Variants in SKIC2 observed in about 807,000 individuals in gnomAD.
SKIC2 encodes superkiller complex protein 2.
the SKIC2 span, chr6:31,961,470 G>C: frequency 6.5e-7 from 1 of 1,534,368 alleles, no homozygotes; most frequent in Non-Finnish European, 8.8e-7. Context: ...GGGGAAGAAA[G>C]GGACATCTTT....
chr6:31,963,906 T>C, the SKIC2 span: 1 of 1,608,168 alleles, frequency 6.2e-7, no homozygotes, highest in Admixed American at 1.7e-5. The surrounding 1 kb of genome is among the most constrained non-coding windows in gnomAD (Gnocchi z 5.3). Context: ...TCCCCTTCCT[T>C]CTCCAGGACC....
chr6:31,969,724 T>C, the SKIC2 span: 8 of 1,583,882 alleles, frequency 5.1e-6, no homozygotes, highest in Admixed American at 3.5e-5. The surrounding 1 kb of genome is among the most constrained non-coding windows in gnomAD (Gnocchi z 6.1). Flanking sequence ...GAATGCCCCA[T>C]GTAAAAACAT....
the SKIC2 span, chr6:31,962,519 T>C: frequency 6.2e-7 from 1 of 1,614,126 alleles, no homozygotes; most frequent in East Asian, 2.2e-5. The surrounding 1 kb of genome is among the most constrained non-coding windows in gnomAD (Gnocchi z 5.0). Flanking sequence ...GATGTGGGGC[T>C]GCTCACCGGG....
the SKIC2 span, chr6:31,961,826 C>A: frequency 5.7e-6 from 9 of 1,574,494 alleles, no homozygotes; most frequent in African/African-American, 1.3e-5. Context: ...GGCCTTCATC[C>A]GCCCGCCCTG....
chr6:31,967,614 A>G, the SKIC2 span: 168 of 1,360,722 alleles, frequency 1.2e-4, no homozygotes, highest in East Asian at 3.3e-3. The surrounding 1 kb of genome is among the most constrained non-coding windows in gnomAD (Gnocchi z 4.9). Flanking sequence ...TGAGCTCTGC[A>G]TGGTTGCTTC....
At chr6:31,960,370 G>A in the SKIC2 span, 1 of 1,597,472 alleles carries the variant, frequency 6.3e-7, no homozygotes, top group Non-Finnish European at 8.6e-7. Context: ...AAACAGTTGG[G>A]GAGAAGGGGA....
At chr6:31,969,407 G>GGT in the SKIC2 span, 2 of 1,614,196 alleles carry the variant, frequency 1.2e-6, no homozygotes, top group East Asian at 2.2e-5. The surrounding 1 kb of genome is among the most constrained non-coding windows in gnomAD (Gnocchi z 6.1). Flanking sequence ...GTATATGAGT[G>GGT]GGCCCGGGGC....
chr6:31,964,156 G>A, the SKIC2 span: 2 of 1,610,656 alleles, frequency 1.2e-6, no homozygotes, highest in Non-Finnish European at 1.7e-6. This position sits in a 1 kb window ranked among gnomAD's most constrained non-coding sequence, Gnocchi z 5.0. Context: ...GTGCGTGCAT[G>A]CACACATTTG....
the SKIC2 span, chr6:31,967,095 A>T: frequency 6.2e-7 from 1 of 1,612,838 alleles, no homozygotes; most frequent in Non-Finnish European, 8.5e-7. The surrounding 1 kb of genome is among the most constrained non-coding windows in gnomAD (Gnocchi z 4.9). Flanking sequence ...CTGCCTGAAT[A>T]TTACAGCTGG....
At chr6:31,969,393 GGTT>G in the SKIC2 span, 5 of 1,614,098 alleles carry the variant, frequency 3.1e-6, no homozygotes, top group Non-Finnish European at 3.4e-6. This position sits in a 1 kb window ranked among gnomAD's most constrained non-coding sequence, Gnocchi z 6.1. Context: ...GGCTGGTTGA[GGTT>G]GTATATGAGT....
At chr6:31,967,496 C>A in the SKIC2 span, 21 of 823,538 alleles carry the variant, frequency 2.5e-5, no homozygotes, top group Admixed American at 6.4e-5. This position sits in a 1 kb window ranked among gnomAD's most constrained non-coding sequence, Gnocchi z 4.9. Context: ...CCCTCTTGCC[C>A]TCCTTTTCAC....
At chr6:31,965,938 G>C in the SKIC2 span, 9 of 1,612,816 alleles carry the variant, frequency 5.6e-6, no homozygotes, top group Non-Finnish European at 7.6e-6. The surrounding 1 kb of genome is among the most constrained non-coding windows in gnomAD (Gnocchi z 5.6). Flanking sequence ...GGAGGGGCCT[G>C]GACCCCACAG....
At chr6:31,969,310 C>T in the SKIC2 span, 147 of 1,613,968 alleles carry the variant, frequency 9.1e-5, no homozygotes, top group African/African-American at 3.2e-4. This position sits in a 1 kb window ranked among gnomAD's most constrained non-coding sequence, Gnocchi z 6.1. Flanking sequence ...TGTGGCCAAG[C>T]GGATTGGTGA....
the SKIC2 span, chr6:31,969,295 C>T: frequency 2.0e-5 from 32 of 1,614,040 alleles, no homozygotes; most frequent in Middle Eastern, 1.6e-4. This position sits in a 1 kb window ranked among gnomAD's most constrained non-coding sequence, Gnocchi z 6.1. Flanking sequence ...AGAACGTGTC[C>T]GGGCTGTGGC....
chr6:31,969,381 T>G, the SKIC2 span: 1 of 1,614,232 alleles, frequency 6.2e-7, no homozygotes, highest in Non-Finnish European at 8.5e-7. This position sits in a 1 kb window ranked among gnomAD's most constrained non-coding sequence, Gnocchi z 6.1. Flanking sequence ...AGCTGAATTT[T>G]GGGCTGGTTG....
the SKIC2 span, among the ~76,000 whole-genome samples, chr6:31,964,799 G>C: frequency 2.0e-5 from 3 of 152,162 alleles, no homozygotes; most frequent in South Asian, 6.2e-4. The surrounding 1 kb of genome is among the most constrained non-coding windows in gnomAD (Gnocchi z 5.0). Context: ...AGCCAGTTTG[G>C]AATGCACGCT....
At chr6:31,968,716 C>T in the SKIC2 span, 1 of 1,612,874 alleles carries the variant, frequency 6.2e-7, no homozygotes, top group Non-Finnish European at 8.5e-7. This position sits in a 1 kb window ranked among gnomAD's most constrained non-coding sequence, Gnocchi z 6.1. Context: ...AATGCAGATA[C>T]AGAAGGAGAT....
chr6:31,966,060 C>T, the SKIC2 span: 1 of 1,239,176 alleles, frequency 8.1e-7, no homozygotes, highest in Non-Finnish European at 1.1e-6. This position sits in a 1 kb window ranked among gnomAD's most constrained non-coding sequence, Gnocchi z 5.9. Flanking sequence ...CAGGACCTTG[C>T]TGGATTCTGT....
chr6:31,960,176 C>T, the SKIC2 span: 1 of 1,606,710 alleles, frequency 6.2e-7, no homozygotes, highest in Non-Finnish European at 8.5e-7. Flanking sequence ...GAAGCTGGGA[C>T]AGAGGAAGAA....
Sources: gnomAD v4.1 joint callset for allele counts (sites outside exome capture counted in the v4.1 genomes callset) on GRCh38, gnomAD v4.1.1 for gene constraint, Gnocchi (gnomAD v3.1) non-coding constraint, MANE v1.5 for transcripts, NCBI Gene and HGNC (gene_info 2026-07-23, HGNC 2026-07-21) for gene names.